The following CDH13 variants were observed in gnomAD, a reference collection of about 807,000 sequenced individuals.
CDH13 encodes the protein cadherin 13.
A neutral mutation model predicts 63.8 loss-of-function variants in CDH13; 24 were observed. That is an observed-to-expected ratio of 0.38 (90% confidence interval 0.27 to 0.53). The LOEUF (loss-of-function observed/expected upper bound fraction) is 0.53, where lower values mean the gene tolerates loss of function less well. Ranked by LOEUF, CDH13 falls within the 20% of genes least tolerant of loss-of-function variation. The pLI is 0.85. For synonymous variants in CDH13, 503 were observed against 355.3 expected (o/e 1.42, Z -4.67); for missense variants, 1,049 against 903.1 (o/e 1.16, Z -2.07).
At chr16:82,709,972 A>G (rs1323786944) in intron 1 of CDH13, among the ~76,000 whole-genome samples, 1 of 152,036 alleles carries the variant, frequency 6.6e-6, no homozygotes, top group Non-Finnish European at 1.5e-5. Flanking sequence ...GGATGTCCCA[A>G]AGTCAGACCA....
chr16:83,699,261 G>A (rs145614760), intron 10 of CDH13, among the ~76,000 whole-genome samples: 2 of 152,312 alleles, frequency 1.3e-5, no homozygotes, highest in Non-Finnish European at 2.9e-5. Context: ...ATTCAAAATA[G>A]CACCAGTTGT....
At chr16:83,263,670 G>C (rs1422041863) in intron 5 of CDH13, among the ~76,000 whole-genome samples, 4 of 152,176 alleles carry the variant, frequency 2.6e-5, no homozygotes, top group South Asian at 2.1e-4. Flanking sequence ...CTGCTTATGA[G>C]GCTTTTGACT....
At chr16:83,771,467 G>T (rs139601942) in intron 11 of CDH13, among the ~76,000 whole-genome samples, 1 of 152,302 alleles carries the variant, frequency 6.6e-6, no homozygotes, top group Non-Finnish European at 1.5e-5. Flanking sequence ...GAACGACAAA[G>T]CCAGAAACAA....
At chr16:83,036,073 C>G (rs772362858) in intron 3 of CDH13, among the ~76,000 whole-genome samples, 1 of 151,106 alleles carries the variant, frequency 6.6e-6, no homozygotes, top group African/African-American at 2.4e-5. Flanking sequence ...TTGCTCTGGA[C>G]ACTTAGCTAG....
intron 5 of CDH13, among the ~76,000 whole-genome samples, chr16:83,291,546 T>C (rs922377058): frequency 6.6e-6 from 1 of 151,966 alleles, no homozygotes; most frequent in African/African-American, 2.4e-5. Context: ...CGTTTTCATA[T>C]ACTACTTTGT....
intron 3 of CDH13, among the ~76,000 whole-genome samples, chr16:83,034,183 A>G (rs1916638949): frequency 2.0e-5 from 3 of 152,144 alleles, no homozygotes; most frequent in Admixed American, 1.3e-4. Context: ...TGCTCGTGGC[A>G]GATATTGCTA....
chr16:83,325,262 A>G (rs1298953915), intron 5 of CDH13, among the ~76,000 whole-genome samples: 1 of 149,688 alleles, frequency 6.7e-6, no homozygotes, highest in Non-Finnish European at 1.5e-5. Flanking sequence ...CAATAGGGGC[A>G]CCTTATCTAT....
In CDH13 at chr16:83,517,065, T is replaced by C. The variant is rs550119599; in HGVS notation, c.960+30410T>C. Among the ~76,000 whole-genome samples, 3 of 152,312 alleles carry C rather than the reference T, an allele frequency of 2.0e-5. No homozygotes were observed. In the South Asian group the frequency reaches 6.2e-4, roughly 32 times the overall value. The stretch of plus-strand genomic sequence containing the variant: ...CGTGTTTTCCCAGTTGTAGGTCTTG[T>C]AATTCTGGCAAAGGGAAATATGAAG... On this transcript the variant is annotated intron_variant, in intron 7 of 13. Transcript: ENST00000567109.
intron 6 of CDH13, among the ~76,000 whole-genome samples, chr16:83,350,691 A>G (rs2090935216): frequency 6.6e-6 from 1 of 152,166 alleles, no homozygotes; most frequent in Non-Finnish European, 1.5e-5. Flanking sequence ...GAGGGAGGAT[A>G]GCATCCAATA....
intron 6 of CDH13, among the ~76,000 whole-genome samples, chr16:83,388,049 A>G (rs1263078908): frequency 6.6e-6 from 1 of 152,074 alleles, no homozygotes; most frequent in Non-Finnish European, 1.5e-5. Flanking sequence ...CCTAGACATG[A>G]CACCTACTCT....
At chr16:83,511,649 C>A (rs949127585) in intron 7 of CDH13, among the ~76,000 whole-genome samples, 1 of 151,964 alleles carries the variant, frequency 6.6e-6, no homozygotes, top group Non-Finnish European at 1.5e-5. Flanking sequence ...AGTAAAAATT[C>A]TGATATGAGC....
chr16:82,676,531 C>A (rs1156552862), intron 1 of CDH13, among the ~76,000 whole-genome samples: 1 of 150,374 alleles, frequency 6.7e-6, no homozygotes, highest in Non-Finnish European at 1.5e-5. Context: ...ATCTGGCCCC[C>A]CAGATGGTCA....
intron 2 of CDH13, among the ~76,000 whole-genome samples, chr16:82,943,795 G>C (rs191431736): frequency 6.6e-5 from 10 of 152,344 alleles, no homozygotes; most frequent in Admixed American, 5.9e-4. Context: ...CTTGATGCTT[G>C]AGGGAAACAA....
intron 4 of CDH13, among the ~76,000 whole-genome samples, chr16:83,169,562 T>G (rs1421410807): frequency 6.7e-6 from 1 of 149,284 alleles, no homozygotes; most frequent in Non-Finnish European, 1.5e-5. Flanking sequence ...GTGGTAAGGT[T>G]TTTTTTTTGT....
chr16:82,880,615 A>T (rs145006859), intron 2 of CDH13, among the ~76,000 whole-genome samples: 2 of 152,214 alleles, frequency 1.3e-5, no homozygotes, highest in African/African-American at 4.8e-5. Context: ...CTACTCTAAT[A>T]GCCCAAGTCA....
chr16:83,349,501 C>T (rs1220225942), intron 6 of CDH13, among the ~76,000 whole-genome samples: 1 of 152,028 alleles, frequency 6.6e-6, no homozygotes, highest in Non-Finnish European at 1.5e-5. Flanking sequence ...TTGAGGCCTG[C>T]CTGTGGTTTG....
intron 2 of CDH13, among the ~76,000 whole-genome samples, chr16:82,916,359 A>G (rs961577673): frequency 6.6e-6 from 1 of 152,104 alleles, no homozygotes; most frequent in Non-Finnish European, 1.5e-5. Flanking sequence ...GTGGATGACG[A>G]GGTTAGGAGT....
intron 1 of CDH13, among the ~76,000 whole-genome samples, chr16:82,676,891 G>GTTTTA (rs1191599796): frequency 6.6e-6 from 1 of 150,456 alleles, no homozygotes; most frequent in African/African-American, 2.5e-5. Flanking sequence ...GTTTTGTTTT[G>GTTTTA]TTTTGTTTTT....
At chr16:83,434,844 TATATGTGTGTGC>T (rs1414117796) in intron 6 of CDH13, among the ~76,000 whole-genome samples, 3 of 73,288 alleles carry the variant, frequency 4.1e-5, no homozygotes, top group Non-Finnish European at 8.0e-5. Flanking sequence ...AAAATATATA[TATATGTGTGTGC>T]GTGTGTGTGT....
Sources: allele counts gnomAD v4.1 joint callset (sites outside exome capture counted in the v4.1 genomes callset), GRCh38; gene constraint gnomAD v4.1.1; transcripts MANE v1.5; gene names NCBI Gene and HGNC (gene_info 2026-07-23, HGNC 2026-07-21).